Variants in HMCN1 observed in about 807,000 individuals in gnomAD.
HMCN1 encodes the protein hemicentin 1.
In HMCN1, 321 loss-of-function variants were observed where a neutral mutation model predicts 625.9. That is an observed-to-expected ratio of 0.51 (90% confidence interval 0.47 to 0.56). The LOEUF is 0.56. Ranked by LOEUF, HMCN1 falls within the 20% of genes least tolerant of loss-of-function variation. The pLI, the probability that HMCN1 is intolerant of heterozygous loss-of-function variation, is 0.00. For missense variants in HMCN1, 6,588 were observed against 6,887.3 expected, an observed-to-expected ratio of 0.96 and a Z score of 1.54; for synonymous variants, 2,425 against 2,417.6, an observed-to-expected ratio of 1.00 and a Z score of -0.09.
intron 1 of HMCN1, among the ~76,000 whole-genome samples, chr1:185,812,435 C>A (rs1015582842): frequency 2.0e-5 from 3 of 152,072 alleles, no homozygotes; most frequent in Admixed American, 2.0e-4. Context: ...ATATGCGACT[C>A]TAAGAAAAAT....
At chr1:186,159,084 G>C (rs909323836) in intron 97 of HMCN1, among the ~76,000 whole-genome samples, 13 of 152,014 alleles carry the variant, frequency 8.6e-5, no homozygotes, top group South Asian at 4.2e-4. Flanking sequence ...TCTTCCATTT[G>C]TTTGTATCCT....
chr1:186,074,632 A>G (rs954461096), intron 52 of HMCN1, 109 bp from the exon 53 acceptor site: 5 of 924,234 alleles, frequency 5.4e-6, no homozygotes, highest in Middle Eastern at 4.3e-4. Context: ...TGTTTTGCAT[A>G]CAATTTTATT....
chr1:186,007,099 C>T lies in HMCN1; in HGVS notation c.4476-29C>T, dbSNP rs535003380. The stretch of plus-strand genomic sequence containing the variant: ...AGAAATGTGAAAAACTGAAAATAGA[C>T]CCATGGAATAAAGTTTTATTTTTTC... On this transcript the variant is annotated intron_variant, in intron 29 of 106. Coordinates refer to ENST00000271588, the MANE Select transcript of HMCN1 (RefSeq NM_031935.3). 2.6e-6 allele frequency: 4 copies of T among 1,562,470 alleles called. No homozygotes were observed. The South Asian group carries it at 4.4e-5, about 17-fold the overall frequency.
At chr1:185,940,768 C>CT (rs1011282682) in intron 11 of HMCN1, among the ~76,000 whole-genome samples, 293 of 146,764 alleles carry the variant, frequency 2.0e-3, no homozygotes, top group Middle Eastern at 3.5e-3. Context: ...TCTCTGAACA[C>CT]TTTTTTTTTT....
chr1:186,150,921 G>T (rs900646383), intron 93 of HMCN1, among the ~76,000 whole-genome samples: 1 of 151,714 alleles, frequency 6.6e-6, no homozygotes, highest in South Asian at 2.1e-4. Flanking sequence ...TTAGTTTGGG[G>T]ACTGGACACT....
Position 186,085,568 on chromosome 1 carries a change from G to A in HMCN1, c.8885-678G>A, listed in dbSNP as rs147173898. On this transcript the variant is annotated intron_variant, in intron 57 of 106. Transcript: ENST00000271588. ...TTAGGGCTTCAACACATGAATTTGC[G>A]GGGACAGAAACATTCAGTTCATAAC... Among the ~76,000 whole-genome samples, 317 of 152,082 alleles carry A rather than the reference G, an allele frequency of 2.1e-3. 11 individuals are homozygous for A. The South Asian group carries it at 0.041, about 20-fold the overall frequency.
At chr1:186,000,922 A>G (rs1275925468) in intron 26 of HMCN1, among the ~76,000 whole-genome samples, 1 of 152,016 alleles carries the variant, frequency 6.6e-6, no homozygotes, top group Admixed American at 6.6e-5. Flanking sequence ...TTAAAATTTG[A>G]TGAATATTGG....
chr1:185,811,318 A>G (rs1177419050), intron 1 of HMCN1, among the ~76,000 whole-genome samples: 1 of 152,086 alleles, frequency 6.6e-6, no homozygotes, highest in Non-Finnish European at 1.5e-5. Context: ...ATACATTGAT[A>G]TAGGGCCATG....
At chr1:185,986,137 T>G (rs1271948493) in intron 19 of HMCN1, among the ~76,000 whole-genome samples, 3 of 152,158 alleles carry the variant, frequency 2.0e-5, no homozygotes, top group Non-Finnish European at 4.4e-5. Flanking sequence ...TAGCCTGGCA[T>G]TGTTGTTTAG....
At chr1:186,118,428 TTAAAA>T (rs1016613753) in intron 77 of HMCN1, among the ~76,000 whole-genome samples, 3 of 152,266 alleles carry the variant, frequency 2.0e-5, no homozygotes, top group Admixed American at 6.5e-5. Context: ...ATAAAAGATT[TTAAAA>T]TAAAGTATTA....
At chr1:186,188,529 G>A (rs773264377) in intron 106 of HMCN1, among the ~76,000 whole-genome samples, 2 of 152,122 alleles carry the variant, frequency 1.3e-5, no homozygotes, top group South Asian at 2.1e-4. Context: ...TCTGCATTCT[G>A]AATAAACTAC....
chr1:185,972,152 C>T (rs561113440), intron 15 of HMCN1, among the ~76,000 whole-genome samples: 2 of 152,162 alleles, frequency 1.3e-5, no homozygotes, highest in Non-Finnish European at 2.9e-5. Flanking sequence ...TTTATGTTTA[C>T]TCAACATTCT....
chr1:186,006,541 G>A (rs918509888), intron 29 of HMCN1, among the ~76,000 whole-genome samples: 4 of 151,810 alleles, frequency 2.6e-5, no homozygotes, highest in African/African-American at 9.7e-5. Context: ...AATCATATAC[G>A]AGCTTCTTTT....
intron 41 of HMCN1, among the ~76,000 whole-genome samples, chr1:186,046,176 A>G (rs1204805533): frequency 6.6e-6 from 1 of 152,126 alleles, no homozygotes; most frequent in African/African-American, 2.4e-5. Context: ...GGTGCTCTGG[A>G]CAAAGATGCA....
intron 80 of HMCN1, among the ~76,000 whole-genome samples, chr1:186,122,579 A>C (rs1486723693): frequency 6.6e-6 from 1 of 152,218 alleles, no homozygotes; most frequent in African/African-American, 2.4e-5. Flanking sequence ...AATATTTTCC[A>C]AAACCTGGCG....
chr1:185,812,320 A>G (rs990172221), intron 1 of HMCN1, among the ~76,000 whole-genome samples: 5 of 152,146 alleles, frequency 3.3e-5, no homozygotes, highest in Admixed American at 3.3e-4. Flanking sequence ...AAATCAACGG[A>G]AAATACATAC....
chr1:186,117,201 T>C, intron 76 of HMCN1, 86 bp downstream of exon 76: 3 of 1,535,198 alleles, frequency 2.0e-6, no homozygotes, highest in Non-Finnish European at 1.8e-6. Context: ...TCCCTTTTCT[T>C]TTTTTTTTTA....
chr1:186,082,948 C>A lies in HMCN1; in HGVS notation c.8871C>A (p.Asn2957Lys). 1 of 1,582,706 alleles carries A rather than the reference C, an allele frequency of 6.3e-7. No homozygotes were observed. The highest frequency in any genetic ancestry group is 8.6e-7 in the Non-Finnish European group (1 of 1,159,886). ...CTGGGAGTGCCAAAAAATATTTTAACCTCAATGTTCATGGTAAGAGCTCAG... is the reference window on the plus strand; with the variant it reads ...CTGGGAGTGCCAAAAAATATTTTAAACTCAATGTTCATGGTAAGAGCTCAG... ...NTAGSAKKYF[N>K]LNVHVPPSVI... is the part of the protein sequence containing the mutation. Residue 2957 changes from asparagine to lysine, a missense_variant, in exon 57 of 107, where the codon AAC (asparagine) becomes AAA (lysine). Transcript: ENST00000271588.
In HMCN1 at chr1:186,064,637, G is replaced by A. The variant is rs567987257; in HGVS notation, c.7514-601G>A. 5.3e-5 allele frequency among the ~76,000 whole-genome samples: 8 copies of A among 151,650 alleles called. No homozygotes were observed. In the South Asian group the frequency reaches 1.5e-3, roughly 28 times the overall value. On this transcript the variant is annotated intron_variant, in intron 48 of 106. Transcript: ENST00000271588. ...ATCCTGGCTAACACGGTGAAACCCC[G>A]TCTCTACTAAAAATACAAAAAAATT...
Sources: gnomAD v4.1 joint callset for allele counts (sites outside exome capture counted in the v4.1 genomes callset) on GRCh38, gnomAD v4.1.1 for gene constraint, MANE v1.5 for transcripts, NCBI Gene and HGNC (gene_info 2026-07-23, HGNC 2026-07-21) for gene names.